CPPED1: variants seen among roughly 807,000 people sequenced by gnomAD.
CPPED1 encodes serine/threonine-protein phosphatase CPPED1.
In CPPED1, 28 loss-of-function variants were observed where a neutral mutation model predicts 28.0. The ratio of observed to expected loss-of-function variants is 1.00; its 90% CI spans 0.74 to 1.37. CPPED1 has a LOEUF of 1.37. Among genes scored for constraint, CPPED1 ranks in the 40% most tolerant of loss-of-function variants. CPPED1 has a pLI of 0.00. For missense variants in CPPED1, 504 were observed against 416.5 expected (o/e 1.21, Z -1.83); for synonymous variants, 198 against 180.2 (o/e 1.10, Z -0.79).
chr16:12,679,441 T>G (rs2079894069), intron 3 of CPPED1, among the ~76,000 whole-genome samples: 1 of 152,038 alleles, frequency 6.6e-6, no homozygotes, highest in Non-Finnish European at 1.5e-5. Flanking sequence ...CAAAAGAAAG[T>G]GGGAGGAGGG....
chr16:12,691,733 G>A (rs961461626), intron 3 of CPPED1, among the ~76,000 whole-genome samples: 5 of 147,176 alleles, frequency 3.4e-5, no homozygotes, highest in African/African-American at 1.3e-4. Context: ...AACACCGCAT[G>A]TTCTCACTCA....
At chr16:12,705,962 G>T (rs985962597) in intron 2 of CPPED1, among the ~76,000 whole-genome samples, 1 of 152,174 alleles carries the variant, frequency 6.6e-6, no homozygotes, top group Non-Finnish European at 1.5e-5. Context: ...AGTTGTCGCT[G>T]TAACTGTGGA....
intron 2 of CPPED1, among the ~76,000 whole-genome samples, chr16:12,705,915 C>A (rs1176213406): frequency 6.6e-6 from 1 of 152,106 alleles, no homozygotes; most frequent in Admixed American, 6.5e-5. Context: ...TTTCTTTCGG[C>A]CTGTTGATGT....
chr16:12,699,110 C>A (rs2080007002), intron 3 of CPPED1, among the ~76,000 whole-genome samples: 1 of 152,124 alleles, frequency 6.6e-6, no homozygotes, highest in Non-Finnish European at 1.5e-5. Context: ...CTAGGTTCAA[C>A]CAAAATTTCA....
intron 2 of CPPED1, among the ~76,000 whole-genome samples, chr16:12,715,604 G>A (rs2080103164): frequency 6.6e-6 from 1 of 152,184 alleles, no homozygotes; most frequent in African/African-American, 2.4e-5. Flanking sequence ...AGGTTGCAGT[G>A]AGCTAAGATC....
intron 2 of CPPED1, among the ~76,000 whole-genome samples, chr16:12,725,637 G>C (rs149759016): frequency 6.6e-6 from 1 of 152,068 alleles, no homozygotes; most frequent in Non-Finnish European, 1.5e-5. Context: ...GGTCAGCCTG[G>C]GAACTGATTT....
Position 12,661,398 on chromosome 16 carries a change from T to C in CPPED1, c.*3488A>G, listed in dbSNP as rs1322533701. The C allele has an allele frequency of 6.6e-6, 1 of 152,148 alleles. No homozygotes were observed. Among genetic ancestry groups the C allele is most frequent in the Admixed American group, 6.5e-5 (1 of 15,280 alleles). 9.4% of individuals were successfully genotyped at this position (152,148 alleles called of 1,614,324 possible). On this transcript the variant is annotated 3_prime_UTR_variant, in exon 4 of 4. Transcript: ENST00000381774. ...TGCTAGTCCCATAAAGCTTACTACA[T>C]TTTTTCCCCATTCTCCCCAAACTTA... is the stretch of plus-strand genomic sequence containing the variant.
At position 12,704,741 on chromosome 16, in the gene CPPED1, C is replaced by T. The variant is rs914877798; in HGVS notation, c.598G>A (p.Ala200Thr). 46 of 1,614,094 alleles carry T rather than the reference C, an allele frequency of 2.8e-5. No individual in the cohort carries two copies. The highest frequency in any genetic ancestry group is 3.7e-5 in the Non-Finnish European group (44 of 1,180,044). Reference sequence around the variant, plus strand: ...AGCGGGATGTGCTGGAAGACGATGGCATGCTGGCAGTGCCGCTGCCTCGCG... The same window carrying T: ...AGCGGGATGTGCTGGAAGACGATGGTATGCTGGCAGTGCCGCTGCCTCGCG... The part of the protein sequence containing the change: ...SIARQRHCQH[A>T]IVFQHIPLFL... Residue 200 changes from alanine (A) to threonine (T), a missense_variant, in exon 3 of 4, where the codon GCC becomes ACC. Transcript: ENST00000381774.
At chr16:12,733,164 G>A (rs1027741630) in intron 2 of CPPED1, among the ~76,000 whole-genome samples, 1 of 152,062 alleles carries the variant, frequency 6.6e-6, no homozygotes, top group African/African-American at 2.4e-5. Context: ...AAAGCATGCA[G>A]GAAAAATAAC....
chr16:12,668,528 A>G (rs1185917349), intron 3 of CPPED1, among the ~76,000 whole-genome samples: 2 of 152,236 alleles, frequency 1.3e-5, no homozygotes, highest in Non-Finnish European at 2.9e-5. Flanking sequence ...TGTGCTCCCA[A>G]AACATTATAA....
At chr16:12,703,628 G>T (rs1216847954) in intron 3 of CPPED1, among the ~76,000 whole-genome samples, 1 of 148,454 alleles carries the variant, frequency 6.7e-6, no homozygotes, top group Non-Finnish European at 1.5e-5. Context: ...GTTGCAGTGA[G>T]CCGAGATTTT....
intron 3 of CPPED1, among the ~76,000 whole-genome samples, chr16:12,666,788 C>T (rs1230808444): frequency 3.3e-5 from 5 of 152,166 alleles, no homozygotes; most frequent in African/African-American, 4.8e-5. Flanking sequence ...ATTACCTTTG[C>T]TTTTTAATAT....
At chr16:12,689,433 T>C (rs1328231747) in intron 3 of CPPED1, among the ~76,000 whole-genome samples, 2 of 117,546 alleles carry the variant, frequency 1.7e-5, no homozygotes. Context: ...TCTTGCTATG[T>C]TGCCCAGGCT....
chr16:12,705,009 T>C lies in CPPED1; in HGVS notation c.330A>G (p.Arg110=). 1 of 1,613,600 alleles carries C rather than the reference T, an allele frequency of 6.2e-7. No homozygotes were observed. Among genetic ancestry groups the C allele is most frequent in the African/African-American group, 1.3e-5 (1 of 75,010 alleles). The change falls in exon 3 of 4, where the codon CGA becomes CGG. Residue 110 remains arginine, a synonymous_variant. Coordinates refer to ENST00000381774, the MANE Select transcript of CPPED1 (RefSeq NM_018340.3). ...TGGCCCTGTCCACTGCCCTAAGCAC[T>C]CGCTTCAGGTCCTCCGTCTGCTCCG... ...WRTEQTEDLK[R]VLRAVDRAIP... is the part of the protein sequence containing the mutation.
At chr16:12,772,508 A>G (rs917639086) in intron 2 of CPPED1, among the ~76,000 whole-genome samples, 1 of 152,152 alleles carries the variant, frequency 6.6e-6, no homozygotes, top group African/African-American at 2.4e-5. Context: ...AGCAAATATC[A>G]CTTTTGTGCA....
chr16:12,760,185 A>C (rs574242242), intron 2 of CPPED1, among the ~76,000 whole-genome samples: 3 of 152,230 alleles, frequency 2.0e-5, no homozygotes, highest in Non-Finnish European at 2.9e-5. Flanking sequence ...TATTGGGTAC[A>C]GGTAATCTAT....
chr16:12,778,028 A>G (rs1026687396), intron 2 of CPPED1, among the ~76,000 whole-genome samples: 2 of 150,488 alleles, frequency 1.3e-5, no homozygotes, highest in African/African-American at 2.4e-5. Flanking sequence ...TCCTTCCTCA[A>G]TCTCCCAAGT....
chr16:12,756,333 A>G (rs1055362563), intron 2 of CPPED1, among the ~76,000 whole-genome samples: 17 of 152,168 alleles, frequency 1.1e-4, no homozygotes, highest in Admixed American at 9.2e-4. Flanking sequence ...AGTGATCTGC[A>G]ACAATGCTGC....
chr16:12,705,024 C>A lies in CPPED1; in HGVS notation c.315G>T (p.Thr105=). The A allele has an allele frequency of 6.2e-7, 1 of 1,611,868 alleles. No individual in the cohort carries two copies. Among genetic ancestry groups the A allele is most frequent in the Non-Finnish European group, 8.5e-7 (1 of 1,178,248 alleles). The change falls in exon 3 of 4, where the codon ACG becomes ACT. Residue 105 remains threonine, a synonymous_variant. Transcript: ENST00000381774. ...MPGKPWRTEQ[T]EDLKRVLRAV... is the part of the protein sequence containing the mutation. Reference sequence around the variant, plus strand: ...CCCTAAGCACTCGCTTCAGGTCCTCCGTCTGCTCCGTCCGCCACGGCTTCC... The same window carrying A: ...CCCTAAGCACTCGCTTCAGGTCCTCAGTCTGCTCCGTCCGCCACGGCTTCC...
Sources: gnomAD v4.1 joint callset for allele counts (sites outside exome capture counted in the v4.1 genomes callset) on GRCh38, gnomAD v4.1.1 for gene constraint, MANE v1.5 for transcripts, NCBI Gene and HGNC (gene_info 2026-07-23, HGNC 2026-07-21) for gene names.